ADAMTS20: variants seen among roughly 807,000 people sequenced by gnomAD.
ADAMTS20 encodes A disintegrin and metalloproteinase with thrombospondin motifs 20.
A neutral mutation model predicts 260.1 loss-of-function variants in ADAMTS20; 225 were observed. The observed-to-expected ratio is 0.87, with a 90% CI of 0.78 to 0.97. ADAMTS20 has a LOEUF of 0.97. ADAMTS20 is among the 50% of genes least tolerant of loss of function. The pLI is 0.00. For missense variants in ADAMTS20, 2,400 were observed against 2,337.7 expected (o/e 1.03, Z -0.55); for synonymous variants, 802 against 769.5 (o/e 1.04, Z -0.70).
At position 43,409,035 on chromosome 12, in the gene ADAMTS20, C is replaced by T. The variant is rs552533895; in HGVS notation, c.4285-9802G>A. ...TAACCTGTATTCCTTTTTTTTACTT[C>T]CTTTCTCAAATCCTGAGTGTGTTTT... On this transcript the variant is annotated intron_variant, in intron 28 of 38. Transcript: ENST00000389420. Among the ~76,000 whole-genome samples, 4 of 151,944 alleles carry T rather than the reference C, an allele frequency of 2.6e-5. No individual in the cohort carries two copies. In the East Asian group the frequency reaches 7.8e-4, roughly 30 times the overall value.
rs575571356 is a variant in ADAMTS20, at chr12:43,453,812, G to T, written c.1760+95C>A. The T allele has an allele frequency of 3.4e-4, 482 of 1,397,616 alleles. 7 individuals are homozygous for T. In the South Asian group the frequency reaches 4.3e-3, roughly 12 times the overall value. The allele number at this position is 1,397,616 out of a possible 1,614,324, so 86.6% of individuals were successfully genotyped here. A position where few individuals can be genotyped will look rare whatever the true frequency, so the allele number is the denominator to read the frequency against. On this transcript the variant is annotated intron_variant, in intron 12 of 38. Transcript: ENST00000389420. Reference sequence around the variant, plus strand: ...AATTTTCTGAATCTCAGAAACTTACGGACTGACCTCCAGTTTTAGAAGTGA... The same window carrying T: ...AATTTTCTGAATCTCAGAAACTTACTGACTGACCTCCAGTTTTAGAAGTGA...
At chr12:43,467,386 G>A (rs1377772957) in intron 8 of ADAMTS20, among the ~76,000 whole-genome samples, 4 of 152,018 alleles carry the variant, frequency 2.6e-5, no homozygotes, top group Non-Finnish European at 5.9e-5. Context: ...CAGGTTGGCA[G>A]CAGATCCTAT....
At chr12:43,460,988 A>ATATATATATATATTTTTTTTTTTTTTT in intron 11 of ADAMTS20, among the ~76,000 whole-genome samples, 1 of 26,396 alleles carries the variant, frequency 3.8e-5, no homozygotes, top group Non-Finnish European at 6.7e-5. Context: ...ATATATATAT[A>ATATATATATATATTTTTTTTTTTTTTT]TTTTTTTTTT....
chr12:43,531,716 TG>T (rs1475007437), intron 3 of ADAMTS20, among the ~76,000 whole-genome samples: 1 of 152,078 alleles, frequency 6.6e-6, no homozygotes, highest in East Asian at 1.9e-4. Context: ...CTGTACATGG[TG>T]ACTATAGTTA....
chr12:43,373,829 G>A (rs1457466025), intron 36 of ADAMTS20, among the ~76,000 whole-genome samples: 1 of 150,840 alleles, frequency 6.6e-6, no homozygotes, highest in East Asian at 1.9e-4. Flanking sequence ...ACAGGCGCCC[G>A]CCACTACGCC....
intron 28 of ADAMTS20, among the ~76,000 whole-genome samples, chr12:43,409,229 A>G (rs1331453998): frequency 1.3e-5 from 2 of 152,152 alleles, no homozygotes; most frequent in Non-Finnish European, 2.9e-5. Flanking sequence ...AAAATAAAGA[A>G]TTCAATATAT....
chr12:43,499,937 A>C (rs1293964153), intron 4 of ADAMTS20, among the ~76,000 whole-genome samples: 2 of 152,132 alleles, frequency 1.3e-5, no homozygotes, highest in South Asian at 4.1e-4. Context: ...TGCCCAAAGC[A>C]CTGACAATAG....
chr12:43,375,396 G>A lies in ADAMTS20; in HGVS notation c.5429C>T (p.Thr1810Ile), dbSNP rs192462966. The A allele has an allele frequency of 6.2e-7, 1 of 1,613,080 alleles. No individual in the cohort carries two copies. The highest frequency in any genetic ancestry group is 1.7e-5 in the Admixed American group (1 of 59,762). Residue 1810 changes from threonine to isoleucine, a missense_variant, in exon 36 of 39, where the codon ACT becomes ATT. Coordinates refer to ENST00000389420, the MANE Select transcript of ADAMTS20 (RefSeq NM_025003.5). The part of the protein sequence containing the change: ...TVFSKIRIDL[T>I]SMQIKTTDLL... ...GCACTTACTTTTAATTTGCATGGAAGTGAGATCAATTCTTATTTTGCTGAA... is the reference window on the plus strand; with the variant it reads ...GCACTTACTTTTAATTTGCATGGAAATGAGATCAATTCTTATTTTGCTGAA...
intron 28 of ADAMTS20, among the ~76,000 whole-genome samples, chr12:43,410,937 A>G (rs549363623): frequency 1.2e-4 from 18 of 152,336 alleles, no homozygotes; most frequent in African/African-American, 4.1e-4. Context: ...ATGCACTTCA[A>G]TTGAAAATTG....
chr12:43,384,566 C>T (rs553869221), intron 29 of ADAMTS20, among the ~76,000 whole-genome samples: 31 of 152,166 alleles, frequency 2.0e-4, no homozygotes, highest in Non-Finnish European at 3.5e-4. Flanking sequence ...AACCCGTCAT[C>T]TGCATTAGGT....
At chr12:43,465,853 A>C (rs1405533512) in intron 9 of ADAMTS20, among the ~76,000 whole-genome samples, 1 of 152,104 alleles carries the variant, frequency 6.6e-6, no homozygotes, top group Non-Finnish European at 1.5e-5. Context: ...TATATTTATA[A>C]ATATATGTTC....
intron 7 of ADAMTS20, among the ~76,000 whole-genome samples, chr12:43,479,817 G>A (rs1236850169): frequency 2.0e-5 from 3 of 151,740 alleles, no homozygotes; most frequent in Non-Finnish European, 4.4e-5. Flanking sequence ...CTACAAGAAA[G>A]ACAACAAAGA....
intron 37 of ADAMTS20, among the ~76,000 whole-genome samples, chr12:43,365,133 A>G (rs1466584862): frequency 6.6e-6 from 1 of 152,064 alleles, no homozygotes; most frequent in Non-Finnish European, 1.5e-5. Flanking sequence ...AAAAAACTGT[A>G]CATCAATAAT....
chr12:43,491,233 G>A (rs188524842), intron 6 of ADAMTS20, among the ~76,000 whole-genome samples: 5 of 152,180 alleles, frequency 3.3e-5, no homozygotes, highest in Admixed American at 1.3e-4. Flanking sequence ...ATTCAGTACA[G>A]TAACATACTG....
At chr12:43,442,826 T>G (rs1250959994) in intron 16 of ADAMTS20, among the ~76,000 whole-genome samples, 1 of 152,176 alleles carries the variant, frequency 6.6e-6, no homozygotes, top group African/African-American at 2.4e-5. Flanking sequence ...TAACATAAAA[T>G]TAACCATCAT....
intron 31 of ADAMTS20, among the ~76,000 whole-genome samples, chr12:43,379,630 G>A (rs1484405148): frequency 6.6e-6 from 1 of 152,146 alleles, no homozygotes; most frequent in Non-Finnish European, 1.5e-5. Context: ...CAGATATTAA[G>A]GAAATTACTG....
intron 3 of ADAMTS20, among the ~76,000 whole-genome samples, chr12:43,510,934 TTCA>T (rs1196502800): frequency 1.3e-5 from 2 of 152,100 alleles, no homozygotes; most frequent in Admixed American, 6.6e-5. Context: ...CAAAGCTGAA[TTCA>T]TCATTTTCTT....
chr12:43,494,346 G>A (rs11182112), intron 4 of ADAMTS20, among the ~76,000 whole-genome samples: 36,245 of 152,030 alleles, frequency 0.24, 4,714 homozygotes, highest in African/African-American at 0.33. Flanking sequence ...TATCACTACC[G>A]GAGCCCTCAC....
At chr12:43,534,919 C>T (rs1406415325) in intron 2 of ADAMTS20, among the ~76,000 whole-genome samples, 3 of 151,818 alleles carry the variant, frequency 2.0e-5, no homozygotes, top group African/African-American at 7.3e-5. Context: ...ACATGCTGTC[C>T]CTCTACCTAA....
Sources: allele counts gnomAD v4.1 joint callset (sites outside exome capture counted in the v4.1 genomes callset), GRCh38; gene constraint gnomAD v4.1.1; transcripts MANE v1.5; gene names NCBI Gene and HGNC (gene_info 2026-07-23, HGNC 2026-07-21).